EML4: variants seen among roughly 807,000 people sequenced by gnomAD.
EML4 encodes echinoderm microtubule-associated protein-like 4.
EML4 carries 72 observed loss-of-function variants against 129.0 expected under a neutral mutation model. The ratio of observed to expected loss-of-function variants is 0.56; its 90% confidence interval spans 0.46 to 0.68. EML4 has a LOEUF of 0.68. Among genes scored for constraint, EML4 ranks in the 30% least tolerant of loss-of-function variants. The pLI is 0.00. For synonymous variants in EML4, 532 were observed against 405.0 expected (o/e 1.31, Z -3.77); for missense variants, 1,363 against 1,190.6 (o/e 1.14, Z -2.13).
chr2:42,184,409 G>A (rs115392356), intron 1 of EML4, among the ~76,000 whole-genome samples: 2,769 of 111,978 alleles, frequency 0.025, 95 homozygotes, highest in African/African-American at 0.094. Flanking sequence ...AACAGGCCCC[G>A]GTGCTAACAC....
In EML4 at chr2:42,301,405, AC is replaced by A. The variant is rs755119830; in HGVS notation, c.1641+14del. 1 of 1,595,786 alleles carries A rather than the reference AC, an allele frequency of 6.3e-7. No homozygotes were observed. Among genetic ancestry groups the A allele is most frequent in the African/African-American group, 1.4e-5 (1 of 73,794 alleles). On this transcript the variant is annotated intron_variant, in intron 14 of 22. Coordinates refer to ENST00000318522, the MANE Select transcript of EML4 (RefSeq NM_019063.5). ...AAGAGAAATAGAGGTAAGGATGGAAACGGAATATAAAAATATTAAATACTCT... is the reference window on the plus strand; with the variant it reads ...AAGAGAAATAGAGGTAAGGATGGAAAGGAATATAAAAATATTAAATACTCT...
chr2:42,288,312 C>G lies in EML4; in HGVS notation c.1208C>G (p.Ala403Gly). 6.5e-7 allele frequency: 1 copy of G among 1,540,280 alleles called. No individual in the cohort carries two copies. The highest frequency in any genetic ancestry group is 8.9e-7 in the Non-Finnish European group (1 of 1,120,986). ...VWDWQKKAKG[A>G]EIKTTNEVVL... ...GACTGGCAGAAGAAAGCAAAAGGAGCAGAAATAAAGGTAAATTTTTAAAAA... is the reference window on the plus strand; with the variant it reads ...GACTGGCAGAAGAAAGCAAAAGGAGGAGAAATAAAGGTAAATTTTTAAAAA... Residue 403 changes from alanine (A) to glycine (G), a missense_variant, in exon 11 of 23, where the codon GCA (alanine) becomes GGA (glycine). By Grantham distance (60) the Ala-to-Gly change is moderately conservative. Transcript: ENST00000318522.
At chr2:42,205,008 C>CA (rs1290110698) in intron 1 of EML4, among the ~76,000 whole-genome samples, 1 of 152,134 alleles carries the variant, frequency 6.6e-6, no homozygotes, top group Non-Finnish European at 1.5e-5. Flanking sequence ...TAATCATTTG[C>CA]AATACATTGC....
At chr2:42,170,902 A>G (rs1392071399) in intron 1 of EML4, among the ~76,000 whole-genome samples, 1 of 152,248 alleles carries the variant, frequency 6.6e-6, no homozygotes, top group Non-Finnish European at 1.5e-5. Flanking sequence ...AAAGTAAAAA[A>G]GTAAGTCAAA....
intron 1 of EML4, among the ~76,000 whole-genome samples, chr2:42,195,901 G>T (rs900038754): frequency 4.6e-5 from 7 of 152,114 alleles, no homozygotes; most frequent in Admixed American, 1.3e-4. Flanking sequence ...ATTCCCTGTG[G>T]AACCTAGTGC....
chr2:42,326,003 A>T lies in EML4; in HGVS notation c.2243-151A>T, dbSNP rs2103835728. 2.7e-6 allele frequency: 3 copies of T among 1,112,108 alleles called. 1 individual carries two copies. Among genetic ancestry groups the T allele is most frequent in the African/African-American group, 1.6e-5 (1 of 62,136 alleles). The allele number at this position is 1,112,108 out of a possible 1,614,324, so 68.9% of individuals were successfully genotyped here. ...AGTTTTATAAACCCTGTTAAAGTGA[A>T]CACTTTCTTTTCCTTTTTAAATGTG... On this transcript the variant is annotated intron_variant, in intron 20 of 22. Coordinates refer to ENST00000318522, the MANE Select transcript of EML4 (RefSeq NM_019063.5).
At chr2:42,318,564 T>A (rs988238230) in intron 19 of EML4, among the ~76,000 whole-genome samples, 1 of 152,198 alleles carries the variant, frequency 6.6e-6, no homozygotes, top group Non-Finnish European at 1.5e-5. Context: ...ATCCATTAAT[T>A]TATTTAAATC....
intron 13 of EML4, among the ~76,000 whole-genome samples, chr2:42,299,980 C>G (rs1015091373): frequency 1.3e-5 from 2 of 152,202 alleles, no homozygotes; most frequent in African/African-American, 4.8e-5. Flanking sequence ...GCCACAGTGC[C>G]CAGCCTTCAC....
At chr2:42,255,339 C>G (rs2104352078) in intron 2 of EML4, among the ~76,000 whole-genome samples, 1 of 152,290 alleles carries the variant, frequency 6.6e-6, no homozygotes, top group East Asian at 1.9e-4. Context: ...CCCACCTCAG[C>G]CTCCCAAAGT....
intron 1 of EML4, among the ~76,000 whole-genome samples, chr2:42,203,639 C>CT (rs1291442047): frequency 1.1e-5 from 1 of 89,112 alleles, no homozygotes; most frequent in Non-Finnish European, 2.3e-5. Context: ...TATAGCCACC[C>CT]CTTTTTTTTT....
chr2:42,293,268 C>T (rs549452147), intron 11 of EML4, among the ~76,000 whole-genome samples: 21 of 152,178 alleles, frequency 1.4e-4, no homozygotes, highest in Non-Finnish European at 1.6e-4. Context: ...ACCGCCACGC[C>T]GGCTAATTTA....
At chr2:42,202,123 C>T (rs377692397) in intron 1 of EML4, among the ~76,000 whole-genome samples, 24 of 151,774 alleles carry the variant, frequency 1.6e-4, no homozygotes, top group African/African-American at 5.8e-4. Context: ...TGACAGTTGC[C>T]GGGGGCTTGG....
chr2:42,260,470 C>G (rs1303415896), intron 3 of EML4, among the ~76,000 whole-genome samples: 1 of 152,188 alleles, frequency 6.6e-6, no homozygotes, highest in Non-Finnish European at 1.5e-5. Context: ...CCAGCCGCCT[C>G]TGTGATTTTT....
chr2:42,196,164 GTTCA>G (rs1671884651), intron 1 of EML4, among the ~76,000 whole-genome samples: 1 of 152,080 alleles, frequency 6.6e-6, no homozygotes, highest in African/African-American at 2.4e-5. Context: ...GAACCCTAGC[GTTCA>G]TTCAGTCATT....
intron 2 of EML4, among the ~76,000 whole-genome samples, chr2:42,246,394 G>A (rs1268707037): frequency 6.6e-6 from 1 of 152,168 alleles, no homozygotes; most frequent in Non-Finnish European, 1.5e-5. Context: ...GCGTGATTAT[G>A]CCCATTTTGG....
Position 42,304,649 on chromosome 2 carries a change from G to A in EML4, c.1967+98G>A, listed in dbSNP as rs1024680742. On this transcript the variant is annotated intron_variant, in intron 17 of 22. Transcript: ENST00000318522. ...CTGATCTGGAGAATTAATCTCTTAA[G>A]TGGCACACTAATATGCTTGTTGTTC... 3.3e-6 allele frequency: 3 copies of A among 906,398 alleles called. No homozygotes were observed. The African/African-American group carries it at 4.9e-5, about 15-fold the overall frequency. 56.1% of individuals were successfully genotyped at this position (906,398 alleles called of 1,614,324 possible). A position where few individuals can be genotyped will look rare whatever the true frequency, so the allele number is the denominator to read the frequency against.
intron 17 of EML4, among the ~76,000 whole-genome samples, chr2:42,308,567 A>T (rs1305401665): frequency 6.6e-6 from 1 of 152,208 alleles, no homozygotes; most frequent in African/African-American, 2.4e-5. Context: ...GATATAATTC[A>T]CATAACCCCC....
intron 11 of EML4, among the ~76,000 whole-genome samples, chr2:42,293,498 T>C (rs1420130356): frequency 6.6e-6 from 1 of 152,222 alleles, no homozygotes; most frequent in Admixed American, 6.5e-5. Context: ...CATGGAAATA[T>C]TGGAACTGTG....
At chr2:42,320,649 A>G (rs922179365) in intron 19 of EML4, among the ~76,000 whole-genome samples, 4 of 152,220 alleles carry the variant, frequency 2.6e-5, no homozygotes, top group Admixed American at 6.5e-5. Context: ...TAGTTTTACA[A>G]TGATGAGCAT....
Sources: gnomAD v4.1 joint callset for allele counts (sites outside exome capture counted in the v4.1 genomes callset) on GRCh38, gnomAD v4.1.1 for gene constraint, MANE v1.5 for transcripts, NCBI Gene and HGNC (gene_info 2026-07-23, HGNC 2026-07-21) for gene names.